Variants in LYSMD2 observed in about 807,000 individuals in gnomAD.
LYSMD2 encodes lysM and putative peptidoglycan-binding domain-containing protein 2.
A neutral mutation model predicts 17.7 loss-of-function variants in LYSMD2; 6 were observed. That is an observed-to-expected ratio of 0.34 (90% CI 0.19 to 0.67). LYSMD2 has a LOEUF of 0.67. LYSMD2 is among the 30% of genes least tolerant of loss of function. LYSMD2 has a pLI of 0.69. For missense variants in LYSMD2, 237 were observed against 286.7 expected, an observed-to-expected ratio of 0.83 and a Z score of 1.25; for synonymous variants, 102 against 129.8, an observed-to-expected ratio of 0.79 and a Z score of 1.45.
chr15:51,747,886 A>G (rs2055676158), intron 1 of LYSMD2, among the ~76,000 whole-genome samples: 1 of 152,212 alleles, frequency 6.6e-6, no homozygotes, highest in African/African-American at 2.4e-5. Flanking sequence ...AGTCTTTATC[A>G]TCCACCATAT....
chr15:51,724,217 T>C (rs1436076043), intron 2 of LYSMD2, among the ~76,000 whole-genome samples: 3 of 152,042 alleles, frequency 2.0e-5, no homozygotes, highest in African/African-American at 4.8e-5. Context: ...ACCAATTCTA[T>C]AGGAGAGAGA....
At position 51,737,385 on chromosome 15, in the gene LYSMD2, TG is replaced by T; in HGVS notation, c.237del (p.Asp79GlufsTer31). 6.9e-7 allele frequency: 1 copy of T among 1,457,090 alleles called. No homozygotes were observed. Among genetic ancestry groups the T allele is most frequent in the Non-Finnish European group, 9.0e-7 (1 of 1,110,164 alleles). 90.3% of individuals were successfully genotyped at this position (1,457,090 alleles called of 1,614,324 possible). The stretch of plus-strand genomic sequence containing the variant: ...TACTTGAGCGCGATGCCCTGCAGCG[TG>T]TCGCCCGCGCGGACCCGGTGCTCCA... ...RHVEHRVRAG[D>X]TLQGIALKYG... On this transcript the variant is annotated frameshift_variant, in exon 1 of 3. Coordinates refer to ENST00000267838, the MANE Select transcript of LYSMD2 (RefSeq NM_153374.3). LOFTEE classifies it high-confidence loss of function. The surrounding 1 kb of genome is among the most constrained non-coding windows in gnomAD (Gnocchi z 4.2).
At chr15:51,742,173 A>T (rs2055646216), upstream of LYSMD2, among the ~76,000 whole-genome samples, 1 of 151,894 alleles carries the variant, frequency 6.6e-6, no homozygotes. Context: ...TAGCTGCACC[A>T]AGATTACAGG....
At chr15:51,745,696 C>T (rs147086776) in intron 1 of LYSMD2, among the ~76,000 whole-genome samples, 9 of 152,096 alleles carry the variant, frequency 5.9e-5, no homozygotes, top group African/African-American at 1.7e-4. Context: ...ATTTGCAAAT[C>T]GCATATCTAA....
intron 2 of LYSMD2, 125 bp downstream of exon 2, chr15:51,724,662 GAAA>G (rs915995903): frequency 1.8e-6 from 1 of 561,216 alleles, no homozygotes; most frequent in African/African-American, 2.0e-5. Flanking sequence ...AAGAAAAAAA[GAAA>G]AAAAATCAGA....
intron 1 of LYSMD2, among the ~76,000 whole-genome samples, chr15:51,746,887 A>G (rs1239687263): frequency 1.3e-5 from 2 of 152,078 alleles, no homozygotes; most frequent in Admixed American, 6.6e-5. Flanking sequence ...ATTTTTTAAA[A>G]TAACACCTTA....
At chr15:51,736,520 G>A (rs2055610022) in intron 1 of LYSMD2, among the ~76,000 whole-genome samples, 1 of 152,224 alleles carries the variant, frequency 6.6e-6, no homozygotes, top group African/African-American at 2.4e-5. Context: ...TTAAGGGAAA[G>A]ATATAGATAA....
At chr15:51,748,962 C>T (rs189992757) in intron 1 of LYSMD2, among the ~76,000 whole-genome samples, 130 of 152,332 alleles carry the variant, frequency 8.5e-4, no homozygotes, top group Middle Eastern at 3.4e-3. Context: ...ATAACTGCCA[C>T]GTTGAACTTT....
At chr15:51,743,028 G>A (rs771235660) in intron 1 of LYSMD2, among the ~76,000 whole-genome samples, 6 of 152,164 alleles carry the variant, frequency 3.9e-5, no homozygotes, top group Non-Finnish European at 8.8e-5. Context: ...GTCTTTCATG[G>A]ATCATACTTT....
intron 1 of LYSMD2, among the ~76,000 whole-genome samples, chr15:51,734,959 G>C (rs936156096): frequency 6.6e-6 from 1 of 152,158 alleles, no homozygotes; most frequent in Non-Finnish European, 1.5e-5. Context: ...TGGATTGCTT[G>C]AGCCCAGGAG....
rs557155768 is a variant in LYSMD2, at chr15:51,724,916, C to G, written c.479G>C (p.Ser160Thr). 1.2e-6 allele frequency: 2 copies of G among 1,614,094 alleles called. No individual in the cohort carries two copies. Among genetic ancestry groups the G allele is most frequent in the African/African-American group, 2.7e-5 (2 of 75,028 alleles). ...VVAGEDLPPP[S>T]PQESDVQPVQ... ...AGGCTGAACATCAGATTCTTGAGGACTGGGAGGAGGGAGGTCTTCCCCGGC... is the reference window on the plus strand; with the variant it reads ...AGGCTGAACATCAGATTCTTGAGGAGTGGGAGGAGGGAGGTCTTCCCCGGC... The change falls in exon 2 of 3, where the codon AGT (serine) becomes ACT (threonine). Residue 160 changes from serine (S) to threonine (T), a missense_variant. Coordinates refer to ENST00000267838, the MANE Select transcript of LYSMD2 (RefSeq NM_153374.3).
chr15:51,750,838 G>A (rs1174109552), intron 1 of LYSMD2, among the ~76,000 whole-genome samples: 1 of 152,126 alleles, frequency 6.6e-6, no homozygotes, highest in Admixed American at 6.5e-5. Flanking sequence ...CGGGCTCAAC[G>A]ACTAACAAAC....
At chr15:51,747,432 G>A (rs2414118) in intron 1 of LYSMD2, among the ~76,000 whole-genome samples, 2,508 of 137,252 alleles carry the variant, frequency 0.018, 89 homozygotes, top group East Asian at 0.08. Flanking sequence ...TGGAGGCTGT[G>A]GTGAGCCGAG....
chr15:51,747,444 T>C (rs1284456163), intron 1 of LYSMD2, among the ~76,000 whole-genome samples: 1 of 152,160 alleles, frequency 6.6e-6, no homozygotes, highest in East Asian at 1.9e-4. Context: ...TGAGCCGAGA[T>C]CACGCCATTG....
upstream of LYSMD2, among the ~76,000 whole-genome samples, chr15:51,738,957 A>C (rs542363741): frequency 2.4e-4 from 37 of 152,320 alleles, no homozygotes; most frequent in African/African-American, 8.9e-4. Flanking sequence ...TGCCAAACAG[A>C]GCCTCTGAAA....
intron 1 of LYSMD2, among the ~76,000 whole-genome samples, chr15:51,726,565 C>T (rs912836985): frequency 1.1e-4 from 16 of 152,158 alleles, no homozygotes; most frequent in African/African-American, 2.4e-4. Flanking sequence ...TCCTGCAGGA[C>T]GGTAGTCGAG....
chr15:51,736,915 T>C (rs1035644817), intron 1 of LYSMD2, among the ~76,000 whole-genome samples: 23 of 152,236 alleles, frequency 1.5e-4, no homozygotes, highest in African/African-American at 5.1e-4. Context: ...TCACGGAGCT[T>C]GTTTTCACAG....
intron 1 of LYSMD2, among the ~76,000 whole-genome samples, chr15:51,735,099 C>A (rs1005365570): frequency 6.6e-6 from 1 of 151,766 alleles, no homozygotes; most frequent in Non-Finnish European, 1.5e-5. Flanking sequence ...ACTTGAGCAG[C>A]GGCAGCTGAG....
chr15:51,749,494 C>G (rs1428527619), intron 1 of LYSMD2, among the ~76,000 whole-genome samples: 1 of 152,222 alleles, frequency 6.6e-6, no homozygotes, highest in Admixed American at 6.5e-5. Flanking sequence ...AAATCATTCC[C>G]CTGTCTGCTT....
Sources: allele counts gnomAD v4.1 joint callset (sites outside exome capture counted in the v4.1 genomes callset), GRCh38; gene constraint gnomAD v4.1.1; non-coding constraint Gnocchi (gnomAD v3.1); transcripts MANE v1.5; gene names NCBI Gene and HGNC (gene_info 2026-07-23, HGNC 2026-07-21).